TRIM13: variants seen among roughly 807,000 people sequenced by gnomAD.
TRIM13 encodes the protein E3 ubiquitin-protein ligase TRIM13.
In TRIM13, 15 loss-of-function variants were observed where a neutral mutation model predicts 27.1. The ratio of observed to expected loss-of-function variants is 0.55; its 90% CI spans 0.37 to 0.85. The LOEUF (loss-of-function observed/expected upper bound fraction) is 0.85, where lower values mean the gene tolerates loss of function less well. TRIM13 is among the 40% of genes least tolerant of loss of function. The pLI, the probability that TRIM13 is intolerant of heterozygous loss-of-function variation, is 0.00. For synonymous variants in TRIM13, 193 were observed against 171.5 expected (o/e 1.13, Z -0.98); for missense variants, 402 against 472.2 (o/e 0.85, Z 1.38).
intron 1 of TRIM13, among the ~76,000 whole-genome samples, chr13:50,006,900 G>A (rs1367992628): frequency 6.6e-6 from 1 of 152,088 alleles, no homozygotes; most frequent in African/African-American, 2.4e-5. Flanking sequence ...CCATAAACTG[G>A]CTGGGCGTGG....
chr13:50,007,048 G>C (rs1347604385), intron 1 of TRIM13, among the ~76,000 whole-genome samples: 2 of 151,914 alleles, frequency 1.3e-5, no homozygotes, highest in Admixed American at 1.3e-4. Context: ...TGGGCATGGT[G>C]GTGGGCGCCT....
At position 50,013,990 on chromosome 13, in the gene TRIM13, GTTAA is replaced by G. The variant is rs1249696842; in HGVS notation, c.*830_*833del. 1.8e-5 allele frequency: 3 copies of G among 166,704 alleles called. No homozygotes were observed. The highest frequency in any genetic ancestry group is 2.9e-5 in the Non-Finnish European group (2 of 68,040). The allele number at this position is 166,704 out of a possible 1,614,324, so 10.3% of individuals were successfully genotyped here. On this transcript the variant is annotated 3_prime_UTR_variant, in exon 2 of 2. Transcript: ENST00000378182. Reference sequence around the variant, plus strand: ...AGATTTCCAAAATTTTCTACAGAGAGTTAATTATCACCAAAATGTGAATGGTACA... The same window carrying G: ...AGATTTCCAAAATTTTCTACAGAGAGTTATCACCAAAATGTGAATGGTACA...
chr13:50,003,377 T>C (rs1009717526), intron 1 of TRIM13, among the ~76,000 whole-genome samples: 5 of 152,156 alleles, frequency 3.3e-5, no homozygotes, highest in African/African-American at 1.2e-4. Flanking sequence ...ACAAAAAACA[T>C]GGGTAATATT....
intron 1 of TRIM13, among the ~76,000 whole-genome samples, chr13:50,010,291 C>T (rs747058575): frequency 9.2e-5 from 14 of 152,018 alleles, no homozygotes; most frequent in Non-Finnish European, 1.3e-4. Context: ...TGAGGTCAAG[C>T]GGTCCACTCT....
rs1442870053 is a variant in TRIM13 at position 50,015,345 on chromosome 13, T to C, written c.*2181T>C. ...ACAGCCATGGATACACTATTTACCTTACAGTAGTTTCCTGGGAATCTAAGT... is the reference window on the plus strand; with the variant it reads ...ACAGCCATGGATACACTATTTACCTCACAGTAGTTTCCTGGGAATCTAAGT... On this transcript the variant is annotated 3_prime_UTR_variant, in exon 2 of 2. Coordinates refer to ENST00000378182, the MANE Select transcript of TRIM13 (RefSeq NM_213590.3). 1 of 657,768 alleles carries C rather than the reference T, an allele frequency of 1.5e-6. No individual in the cohort carries two copies. Among genetic ancestry groups the C allele is most frequent in the African/African-American group, 1.8e-5 (1 of 54,920 alleles). The allele number at this position is 657,768 out of a possible 1,614,324, so 40.7% of individuals were successfully genotyped here. A position where few individuals can be genotyped will look rare whatever the true frequency, so the allele number is the denominator to read the frequency against.
intron 1 of TRIM13, among the ~76,000 whole-genome samples, chr13:50,005,675 T>TA (rs796332854): frequency 5.6e-4 from 75 of 133,190 alleles, no homozygotes; most frequent in African/African-American, 1.4e-3. Flanking sequence ...ACTCCATCTC[T>TA]AAAAAAAAAA....
At chr13:50,007,449 C>T (rs1239044688) in intron 1 of TRIM13, among the ~76,000 whole-genome samples, 4 of 148,190 alleles carry the variant, frequency 2.7e-5, no homozygotes, top group Non-Finnish European at 5.9e-5. Context: ...CGAGATTGCA[C>T]CACTGCACCC....
At chr13:50,004,474 C>T (rs535348729) in intron 1 of TRIM13, among the ~76,000 whole-genome samples, 1 of 151,954 alleles carries the variant, frequency 6.6e-6, no homozygotes, top group South Asian at 2.1e-4. Flanking sequence ...AAAAAAACAA[C>T]AAAACAGACT....
chr13:50,009,020 CAAAAAAAA>C (rs35407149), intron 1 of TRIM13, among the ~76,000 whole-genome samples: 3 of 68,064 alleles, frequency 4.4e-5, no homozygotes, highest in South Asian at 6.6e-4. Flanking sequence ...AAAGCTGTCT[CAAAAAAAA>C]AAAAAAAAAA....
intron 1 of TRIM13, among the ~76,000 whole-genome samples, chr13:50,005,953 C>G (rs2066547): frequency 5.3e-5 from 8 of 151,394 alleles, no homozygotes; most frequent in Non-Finnish European, 2.9e-5. Context: ...CCGACCTCAT[C>G]TGCCCACCTC....
At position 50,017,779 on chromosome 13, in the gene TRIM13, T is replaced by A. The variant is rs1262616623; in HGVS notation, c.*4615T>A. ...TAGTATATAATTGCCTAATTAGCAATCATTTTTATTTTTTGCTCACTCCCT... is the reference window on the plus strand; with the variant it reads ...TAGTATATAATTGCCTAATTAGCAAACATTTTTATTTTTTGCTCACTCCCT... On this transcript the variant is annotated 3_prime_UTR_variant, in exon 2 of 2. Coordinates refer to ENST00000378182, the MANE Select transcript of TRIM13 (RefSeq NM_213590.3). 1 of 167,014 alleles carries A rather than the reference T, an allele frequency of 6.0e-6. No homozygotes were observed. Among genetic ancestry groups the A allele is most frequent in the African/African-American group, 2.4e-5 (1 of 41,456 alleles). 10.3% of individuals were successfully genotyped at this position (167,014 alleles called of 1,614,324 possible). A position where few individuals can be genotyped will look rare whatever the true frequency, so the allele number is the denominator to read the frequency against.
intron 1 of TRIM13, among the ~76,000 whole-genome samples, chr13:49,998,194 A>G (rs1478245475): frequency 2.0e-5 from 3 of 152,082 alleles, no homozygotes; most frequent in Non-Finnish European, 4.4e-5. Flanking sequence ...AACCGGCTAT[A>G]CTTCCTTCTT....
At position 50,016,509 on chromosome 13, in the gene TRIM13, C is replaced by T. The variant is rs1876601324; in HGVS notation, c.*3345C>T. On this transcript the variant is annotated 3_prime_UTR_variant, in exon 2 of 2. Coordinates refer to ENST00000378182, the MANE Select transcript of TRIM13 (RefSeq NM_213590.3). The stretch of plus-strand genomic sequence containing the variant: ...TTGTTCTTTCAGTTTTATGATTCAA[C>T]TACTGTTTTTCCTTCAGCTGACTTT... 5.9e-6 allele frequency: 1 copy of T among 170,814 alleles called. No homozygotes were observed. The highest frequency in any genetic ancestry group is 1.4e-5 in the Non-Finnish European group (1 of 70,734). The allele number at this position is 170,814 out of a possible 1,614,324, so 10.6% of individuals were successfully genotyped here.
rs1397566915 is a variant in TRIM13, at chr13:50,005,286, CA to C, written c.-6-6647del. Among the ~76,000 whole-genome samples, 4 of 152,032 alleles carry C rather than the reference CA, an allele frequency of 2.6e-5. 1 individual carries two copies. ...AAATTATCCTTCAAAACTTTGGAGG[CA>C]ACAAAGATGTCTACCATGGTTTCTT... On this transcript the variant is annotated intron_variant, in intron 1 of 1. Transcript: ENST00000378182.
At chr13:49,999,595 G>T (rs943219053) in intron 1 of TRIM13, among the ~76,000 whole-genome samples, 5 of 152,076 alleles carry the variant, frequency 3.3e-5, no homozygotes, top group African/African-American at 7.2e-5. Context: ...TCCCCAGGCT[G>T]GTCTTGAACT....
In TRIM13 at chr13:50,011,966, C is replaced by T. The variant is rs1875718113; in HGVS notation, c.26C>T (p.Thr9Ile). ...ATGGAGCTGCTTGAAGAAGATCTCA[C>T]ATGCCCTATTTGTTGTAGTCTGTTT... MELLEEDL[T>I]CPICCSLFDD... is the part of the protein sequence containing the mutation. Residue 9 changes from threonine (T) to isoleucine (I), a missense_variant, in exon 2 of 2, where the codon ACA becomes ATA. Thr to Ile is a moderately conservative substitution (Grantham distance 89). Transcript: ENST00000378182. The T allele has an allele frequency of 6.2e-7, 1 of 1,612,664 alleles. No homozygotes were observed. The highest frequency in any genetic ancestry group is 2.2e-5 in the East Asian group (1 of 44,854).
chr13:50,010,979 C>T (rs1198004511), intron 1 of TRIM13, among the ~76,000 whole-genome samples: 1 of 152,184 alleles, frequency 6.6e-6, no homozygotes, highest in Non-Finnish European at 1.5e-5. Flanking sequence ...AAACTGTACA[C>T]AGGCTCAAGA....
At chr13:50,009,043 AG>A (rs1228086327) in intron 1 of TRIM13, among the ~76,000 whole-genome samples, 6 of 150,030 alleles carry the variant, frequency 4.0e-5, no homozygotes, top group Admixed American at 6.7e-5. Flanking sequence ...AAAAAAAAAA[AG>A]AGAATCCCAA....
rs192136233 is a variant in TRIM13, at chr13:50,014,892, T to G, written c.*1728T>G. On this transcript the variant is annotated 3_prime_UTR_variant, in exon 2 of 2. Transcript: ENST00000378182. Reference sequence around the variant, plus strand: ...TAAATTTAAAGCACAGAAGAAATGATTTCCTTCTAGCTATGAGAATAGTCA... The same window carrying G: ...TAAATTTAAAGCACAGAAGAAATGAGTTCCTTCTAGCTATGAGAATAGTCA... The G allele has an allele frequency of 1.8e-5, 3 of 166,436 alleles. No homozygotes were observed. In the East Asian group the frequency reaches 5.9e-4, roughly 32 times the overall value. 10.3% of individuals were successfully genotyped at this position (166,436 alleles called of 1,614,324 possible). A position where few individuals can be genotyped will look rare whatever the true frequency, so the allele number is the denominator to read the frequency against.
Sources: allele counts gnomAD v4.1 joint callset (sites outside exome capture counted in the v4.1 genomes callset), GRCh38; gene constraint gnomAD v4.1.1; transcripts MANE v1.5; gene names NCBI Gene and HGNC (gene_info 2026-07-23, HGNC 2026-07-21).